CACNA2D3: variants seen among roughly 807,000 people sequenced by gnomAD.
CACNA2D3 encodes voltage-dependent calcium channel subunit alpha-2/delta-3.
CACNA2D3 carries 60 observed loss-of-function variants against 160.6 expected under a neutral mutation model. The observed-to-expected ratio is 0.37, with a 90% confidence interval of 0.30 to 0.46. The LOEUF (loss-of-function observed/expected upper bound fraction) is 0.46. Among genes scored for constraint, CACNA2D3 ranks in the 20% least tolerant of loss-of-function variants. CACNA2D3 has a pLI of 1.00. For missense variants in CACNA2D3, 1,205 were observed against 1,365.0 expected, an observed-to-expected ratio of 0.88 and a Z score of 1.85; for synonymous variants, 558 against 492.9, an observed-to-expected ratio of 1.13 and a Z score of -1.75.
chr3:54,160,211 T>C (rs1235633279), intron 2 of CACNA2D3, among the ~76,000 whole-genome samples: 1 of 152,214 alleles, frequency 6.6e-6, no homozygotes, highest in Non-Finnish European at 1.5e-5. Context: ...AAATCAGTAT[T>C]GCTGGGGCCG....
In CACNA2D3 at chr3:55,044,521, CAG is replaced by C. The variant is rs371861770; in HGVS notation, c.2987+26206_2987+26207del. Among the ~76,000 whole-genome samples the C allele has an allele frequency of 2.8e-4, 43 of 152,220 alleles. 1 individual carries two copies. The East Asian group carries it at 6.8e-3, about 24-fold the overall frequency. ...AGCATCTTAGACTATTCTATGTAGA[CAG>C]ATTATATCGTATGTGCATTAAGATG... On this transcript the variant is annotated intron_variant, in intron 35 of 37. Transcript: ENST00000474759.
intron 2 of CACNA2D3, among the ~76,000 whole-genome samples, chr3:54,209,766 A>G (rs373549461): frequency 6.6e-6 from 1 of 152,234 alleles, no homozygotes; most frequent in Non-Finnish European, 1.5e-5. Context: ...GTTCTAAAGT[A>G]TACGTTGGCT....
intron 35 of CACNA2D3, among the ~76,000 whole-genome samples, chr3:55,054,544 C>T (rs185226743): frequency 5.3e-5 from 8 of 150,628 alleles, no homozygotes; most frequent in Admixed American, 2.7e-4. Context: ...CCGTTTCATA[C>T]CTCAGTATAG....
At chr3:54,669,987 C>T (rs1182938170) in intron 11 of CACNA2D3, among the ~76,000 whole-genome samples, 1 of 152,068 alleles carries the variant, frequency 6.6e-6, no homozygotes, top group East Asian at 1.9e-4. Flanking sequence ...AATGTGTTTT[C>T]CATTGTATTA....
intron 13 of CACNA2D3, among the ~76,000 whole-genome samples, chr3:54,777,210 G>A (rs924774540): frequency 6.6e-6 from 1 of 152,140 alleles, no homozygotes; most frequent in Admixed American, 6.6e-5. Flanking sequence ...TGAGGCCATG[G>A]CACAAAGACA....
Position 54,417,507 on chromosome 3 carries a change from G to A in CACNA2D3, c.381+30733G>A, listed in dbSNP as rs576386244. ...CTTTAAGATTCTGATCTTTTACATG[G>A]AAAGGATAGCAACTATTTTTCTGCA... is the stretch of plus-strand genomic sequence containing the variant. On this transcript the variant is annotated intron_variant, in intron 4 of 37. Coordinates refer to ENST00000474759, the MANE Select transcript of CACNA2D3 (RefSeq NM_018398.3). 2.0e-5 allele frequency among the ~76,000 whole-genome samples: 3 copies of A among 151,626 alleles called. No individual in the cohort carries two copies. In the South Asian group the frequency reaches 6.3e-4, roughly 32 times the overall value.
At chr3:54,951,570 C>G (rs1047483784) in intron 27 of CACNA2D3, among the ~76,000 whole-genome samples, 1 of 152,162 alleles carries the variant, frequency 6.6e-6, no homozygotes, top group Non-Finnish European at 1.5e-5. Flanking sequence ...TAGGGGGTGA[C>G]GCAGCCCCAC....
At chr3:54,406,909 A>T (rs1312492891) in intron 4 of CACNA2D3, among the ~76,000 whole-genome samples, 1 of 152,086 alleles carries the variant, frequency 6.6e-6, no homozygotes, top group Non-Finnish European at 1.5e-5. Context: ...CTGTATATAT[A>T]TATTATACTT....
At position 54,360,243 on chromosome 3, in the gene CACNA2D3, A is replaced by G. The variant is rs547472364; in HGVS notation, c.322-26472A>G. 2.2e-4 allele frequency among the ~76,000 whole-genome samples: 33 copies of G among 152,342 alleles called. 1 individual carries two copies. In the South Asian group the frequency reaches 5.4e-3, roughly 25 times the overall value. On this transcript the variant is annotated intron_variant, in intron 3 of 37. Transcript: ENST00000474759. Reference sequence around the variant, plus strand: ...AGAAATATTTGCTGACCCCTGCTCCAGGTAGTTGGTGGATTGATTTCGGTC... The same window carrying G: ...AGAAATATTTGCTGACCCCTGCTCCGGGTAGTTGGTGGATTGATTTCGGTC...
At chr3:54,270,278 T>G (rs1354200335) in intron 2 of CACNA2D3, among the ~76,000 whole-genome samples, 1 of 152,280 alleles carries the variant, frequency 6.6e-6, no homozygotes, top group African/African-American at 2.4e-5. Flanking sequence ...GGAGATGATT[T>G]AGCTTTGGCT....
chr3:54,880,912 C>A (rs761993121), intron 21 of CACNA2D3, 49 bp downstream of exon 21: 1 of 1,509,746 alleles, frequency 6.6e-7, no homozygotes, highest in East Asian at 2.3e-5. Context: ...GAGGAAAGCT[C>A]GGGAGCTAGC....
At chr3:54,884,519 A>G (rs898878532) in intron 21 of CACNA2D3, among the ~76,000 whole-genome samples, 3 of 152,252 alleles carry the variant, frequency 2.0e-5, no homozygotes, top group South Asian at 2.1e-4. Context: ...AAAACAGGCT[A>G]TAAGCATCAT....
At chr3:54,256,148 G>T (rs1702289549) in intron 2 of CACNA2D3, among the ~76,000 whole-genome samples, 1 of 152,202 alleles carries the variant, frequency 6.6e-6, no homozygotes, top group Non-Finnish European at 1.5e-5. Context: ...TGAAATTGGT[G>T]ACACTTTTTC....
chr3:54,402,510 T>A (rs980613132), intron 4 of CACNA2D3, among the ~76,000 whole-genome samples: 3 of 152,120 alleles, frequency 2.0e-5, no homozygotes, highest in Non-Finnish European at 4.4e-5. Context: ...TAAAATAGAT[T>A]TTAAGTATGA....
At chr3:55,012,477 C>T (rs911319320) in intron 34 of CACNA2D3, among the ~76,000 whole-genome samples, 1 of 152,138 alleles carries the variant, frequency 6.6e-6, no homozygotes, top group Non-Finnish European at 1.5e-5. Context: ...CTGGCCTTGA[C>T]CTGTTTCCCT....
At chr3:54,656,247 T>C (rs921145108) in intron 11 of CACNA2D3, among the ~76,000 whole-genome samples, 1 of 152,222 alleles carries the variant, frequency 6.6e-6, no homozygotes, top group Non-Finnish European at 1.5e-5. Context: ...TCAAAGCACT[T>C]AATTCTCCGA....
chr3:54,731,770 C>A (rs58295654), intron 11 of CACNA2D3, among the ~76,000 whole-genome samples: 30,481 of 151,754 alleles, frequency 0.2, 3,278 homozygotes, highest in African/African-American at 0.23. Flanking sequence ...TGTCTGAGTT[C>A]TCTGATTTTA....
chr3:54,953,756 G>T (rs992528425), intron 27 of CACNA2D3, among the ~76,000 whole-genome samples: 9 of 152,146 alleles, frequency 5.9e-5, no homozygotes, highest in African/African-American at 2.2e-4. Flanking sequence ...CTGCTAGCTT[G>T]ACAGGCTGTG....
intron 27 of CACNA2D3, among the ~76,000 whole-genome samples, chr3:54,912,823 G>A (rs1462074761): frequency 1.3e-5 from 2 of 152,032 alleles, no homozygotes; most frequent in East Asian, 1.9e-4. Context: ...ACTTGGAAAA[G>A]GAGAACATCC....
Sources: allele counts gnomAD v4.1 joint callset (sites outside exome capture counted in the v4.1 genomes callset), GRCh38; gene constraint gnomAD v4.1.1; transcripts MANE v1.5; gene names NCBI Gene and HGNC (gene_info 2026-07-23, HGNC 2026-07-21).